FER: variants seen among roughly 807,000 people sequenced by gnomAD.
FER encodes the protein FER tyrosine kinase, also known as tyrosine-protein kinase Fer.
FER carries 63 observed loss-of-function variants against 111.0 expected under a neutral mutation model. That is an observed-to-expected ratio of 0.57 (90% CI 0.46 to 0.70). The LOEUF (loss-of-function observed/expected upper bound fraction) is 0.70. FER is among the 30% of genes least tolerant of loss of function. The pLI is 0.00. For synonymous variants in FER, 327 were observed against 313.9 expected, an observed-to-expected ratio of 1.04 and a Z score of -0.44; for missense variants, 914 against 954.0, an observed-to-expected ratio of 0.96 and a Z score of 0.55.
chr5:109,028,886 G>T (rs1429813517), intron 13 of FER, among the ~76,000 whole-genome samples: 1 of 151,680 alleles, frequency 6.6e-6, no homozygotes, highest in Non-Finnish European at 1.5e-5. Flanking sequence ...CTTACCAGGG[G>T]CTGATCACAT....
intron 13 of FER, among the ~76,000 whole-genome samples, chr5:109,035,836 A>G (rs1388526085): frequency 6.6e-6 from 1 of 152,124 alleles, no homozygotes; most frequent in African/African-American, 2.4e-5. Context: ...AATCTTTTTA[A>G]TTTTAGTATC....
intron 16 of FER, among the ~76,000 whole-genome samples, chr5:109,066,926 A>G (rs1376928280): frequency 6.6e-6 from 1 of 152,196 alleles, no homozygotes; most frequent in African/African-American, 2.4e-5. Flanking sequence ...TAGCAGGTGG[A>G]ATCTATTTTG....
intron 2 of FER, among the ~76,000 whole-genome samples, chr5:108,780,698 A>G (rs1753965679): frequency 6.6e-6 from 1 of 151,986 alleles, no homozygotes; most frequent in South Asian, 2.1e-4. Context: ...TGAAATTGTC[A>G]TTTATTATTG....
intron 13 of FER, among the ~76,000 whole-genome samples, chr5:108,998,505 T>C (rs1764303612): frequency 6.6e-6 from 1 of 152,202 alleles, no homozygotes; most frequent in Non-Finnish European, 1.5e-5. Context: ...CCCAGTGAGA[T>C]GAACCGGATA....
intron 17 of FER, among the ~76,000 whole-genome samples, chr5:109,102,476 A>G (rs1307091223): frequency 4.6e-5 from 7 of 152,262 alleles, no homozygotes; most frequent in African/African-American, 1.2e-4. Context: ...CCAGTGATCA[A>G]TTAGTCACAT....
chr5:109,179,135 T>A (rs1290650142), intron 17 of FER, among the ~76,000 whole-genome samples: 1 of 152,012 alleles, frequency 6.6e-6, no homozygotes, highest in Admixed American at 6.6e-5. Context: ...CCCAAAGATA[T>A]TCTGTGTAAA....
chr5:109,136,005 C>T (rs1561940659), intron 17 of FER, among the ~76,000 whole-genome samples: 1 of 152,104 alleles, frequency 6.6e-6, no homozygotes, highest in South Asian at 2.1e-4. Flanking sequence ...CCTGTAATCC[C>T]AGCACTTTGG....
intron 3 of FER, among the ~76,000 whole-genome samples, chr5:108,813,742 C>CT (rs1561457593): frequency 6.6e-6 from 1 of 152,106 alleles, no homozygotes; most frequent in African/African-American, 2.4e-5. Context: ...AACTTTAATT[C>CT]TTTCCCTGAT....
intron 14 of FER, among the ~76,000 whole-genome samples, chr5:109,038,920 C>T (rs1275648198): frequency 6.6e-6 from 1 of 151,814 alleles, no homozygotes; most frequent in African/African-American, 2.4e-5. Context: ...AATTTATCTC[C>T]TTAGACTATT....
intron 2 of FER, among the ~76,000 whole-genome samples, chr5:108,777,296 T>A (rs1001529724): frequency 3.3e-5 from 5 of 152,242 alleles, no homozygotes; most frequent in African/African-American, 1.2e-4. Context: ...AGAGCAGTTT[T>A]AAGTTAACAG....
chr5:108,786,732 C>T (rs1055358189), intron 2 of FER, among the ~76,000 whole-genome samples: 3 of 152,120 alleles, frequency 2.0e-5, no homozygotes, highest in African/African-American at 4.8e-5. Context: ...GATCTCCTAA[C>T]CTCGTGATCC....
chr5:109,135,277 A>G (rs2126599658), intron 17 of FER, among the ~76,000 whole-genome samples: 1 of 152,256 alleles, frequency 6.6e-6, no homozygotes, highest in South Asian at 2.1e-4. Flanking sequence ...AATCCTCACA[A>G]AATCCTTGAA....
chr5:108,917,108 T>C (rs1012695918), intron 10 of FER, among the ~76,000 whole-genome samples: 3 of 152,146 alleles, frequency 2.0e-5, no homozygotes, highest in African/African-American at 7.2e-5. Context: ...CCACGAGGCT[T>C]TCTTCTATTC....
chr5:109,054,831 T>C (rs1240934129), intron 16 of FER, among the ~76,000 whole-genome samples: 2 of 152,236 alleles, frequency 1.3e-5, no homozygotes, highest in African/African-American at 4.8e-5. Context: ...GCACCACTTG[T>C]TTTAAATGAC....
rs1581653167 is a variant in FER, at chr5:109,013,975, G to A, written c.1657-23447G>A. Among the ~76,000 whole-genome samples the A allele has an allele frequency of 2.0e-5, 3 of 151,876 alleles. No individual in the cohort carries two copies. In the South Asian group the frequency reaches 6.3e-4, roughly 32 times the overall value. ...TTGTTTGAGTTCATTGTAGATTCTGGATATTAGCCCTTTGTCAGATGAGTA... is the reference window on the plus strand; with the variant it reads ...TTGTTTGAGTTCATTGTAGATTCTGAATATTAGCCCTTTGTCAGATGAGTA... On this transcript the variant is annotated intron_variant, in intron 13 of 19. Coordinates refer to ENST00000281092, the MANE Select transcript of FER (RefSeq NM_005246.4).
At chr5:109,165,090 G>C (rs911337759) in intron 17 of FER, among the ~76,000 whole-genome samples, 1 of 152,092 alleles carries the variant, frequency 6.6e-6, no homozygotes, top group Middle Eastern at 3.2e-3. Context: ...AGTTCCATGA[G>C]GACATGAATT....
intron 3 of FER, among the ~76,000 whole-genome samples, chr5:108,805,223 C>A (rs1179090595): frequency 6.6e-6 from 1 of 152,088 alleles, no homozygotes; most frequent in Non-Finnish European, 1.5e-5. Flanking sequence ...TGGGAACTTT[C>A]CTGCACAAGC....
At chr5:109,123,046 G>C (rs1207570149) in intron 17 of FER, among the ~76,000 whole-genome samples, 3 of 151,806 alleles carry the variant, frequency 2.0e-5, no homozygotes, top group Non-Finnish European at 4.4e-5. Flanking sequence ...TTTGATTGGA[G>C]AGTTTAGTCC....
intron 16 of FER, among the ~76,000 whole-genome samples, chr5:109,089,689 A>G (rs535627050): frequency 6.6e-6 from 1 of 152,338 alleles, no homozygotes; most frequent in South Asian, 2.1e-4. Flanking sequence ...TGAAAAAAGC[A>G]GTTTGACTTT....
Sources: allele counts gnomAD v4.1 joint callset (sites outside exome capture counted in the v4.1 genomes callset), GRCh38; gene constraint gnomAD v4.1.1; transcripts MANE v1.5; gene names NCBI Gene and HGNC (gene_info 2026-07-23, HGNC 2026-07-21).